ACYP2: variants seen among roughly 807,000 people sequenced by gnomAD.
ACYP2 encodes the protein acylphosphatase 2, also known as acylphosphatase-2.
A neutral mutation model predicts 11.2 loss-of-function variants in ACYP2; 12 were observed. That is an observed-to-expected ratio of 1.08 (90% CI 0.69 to 1.74). The LOEUF (loss-of-function observed/expected upper bound fraction) is 1.74, where lower values mean the gene tolerates loss of function less well. ACYP2 is among the 40% of genes most tolerant of loss of function. The probability of loss-of-function intolerance (pLI) is 0.00; values close to 1 mark genes in which losing one functional copy is unlikely to be tolerated. For missense variants in ACYP2, 134 were observed against 101.9 expected (o/e 1.31, Z -1.35); for synonymous variants, 43 against 32.2 (o/e 1.33, Z -1.13).
intron 2 of ACYP2, among the ~76,000 whole-genome samples, chr2:53,997,480 A>G (rs1672626417): frequency 6.6e-6 from 1 of 151,878 alleles, no homozygotes. Context: ...TAATTTTTGT[A>G]TTTTTAGTAG....
intron 2 of ACYP2, among the ~76,000 whole-genome samples, chr2:53,986,791 A>G (rs1055189504): frequency 6.6e-6 from 1 of 151,368 alleles, no homozygotes; most frequent in African/African-American, 2.4e-5. Flanking sequence ...TGCCCAGGTA[A>G]TTTTTGTGTT....
intron 6 of ACYP2, among the ~76,000 whole-genome samples, chr2:54,230,832 T>TC (rs1686204502): frequency 1.4e-5 from 2 of 145,720 alleles, no homozygotes; most frequent in African/African-American, 5.1e-5. Flanking sequence ...TTCTTTTCTT[T>TC]TTTTTTTTTT....
intron 2 of ACYP2, among the ~76,000 whole-genome samples, chr2:54,038,691 A>AT (rs1176870163): frequency 2.3e-5 from 1 of 43,146 alleles, no homozygotes; most frequent in Non-Finnish European, 5.3e-5. Context: ...ATATATATAT[A>AT]TATATATATA....
intron 6 of ACYP2, among the ~76,000 whole-genome samples, chr2:54,249,957 A>G (rs944321650): frequency 5.5e-4 from 84 of 151,454 alleles, no homozygotes; most frequent in African/African-American, 2.0e-3. Context: ...AAAAAAAAAA[A>G]AAAAAAAAAG....
chr2:54,281,504 TTCAG>T (rs1298333868), intron 6 of ACYP2, among the ~76,000 whole-genome samples: 1 of 152,160 alleles, frequency 6.6e-6, no homozygotes, highest in African/African-American at 2.4e-5. Context: ...TAGACAAGAT[TTCAG>T]TCGAGTAAGA....
At chr2:54,259,716 A>G (rs1320306982) in intron 6 of ACYP2, among the ~76,000 whole-genome samples, 1 of 151,278 alleles carries the variant, frequency 6.6e-6, no homozygotes, top group Non-Finnish European at 1.5e-5. Flanking sequence ...AATATTGACA[A>G]TTCTTTTGAG....
At chr2:54,063,530 G>A (rs778827087) in intron 4 of ACYP2, among the ~76,000 whole-genome samples, 29 of 152,196 alleles carry the variant, frequency 1.9e-4, no homozygotes, top group Non-Finnish European at 3.8e-4. Flanking sequence ...GCAGGAGACT[G>A]GGTGGTGGGA....
intron 6 of ACYP2, among the ~76,000 whole-genome samples, chr2:54,250,425 G>T (rs997947313): frequency 7.4e-6 from 1 of 135,650 alleles, no homozygotes; most frequent in Non-Finnish European, 1.6e-5. Flanking sequence ...AGTGAGCCGA[G>T]ATTGTGCCAT....
chr2:54,055,301 G>T (rs1558498124), intron 3 of ACYP2, among the ~76,000 whole-genome samples: 1 of 152,118 alleles, frequency 6.6e-6, no homozygotes, highest in Admixed American at 6.5e-5. Flanking sequence ...CACCCAAAGT[G>T]CTGGGATTAC....
At chr2:54,008,808 A>G (rs1190414621) in intron 2 of ACYP2, among the ~76,000 whole-genome samples, 1 of 152,138 alleles carries the variant, frequency 6.6e-6, no homozygotes, top group Non-Finnish European at 1.5e-5. Context: ...TCTGCTAGCA[A>G]GGTAGCCTCT....
At chr2:54,100,630 T>C (rs1386237578) in intron 4 of ACYP2, among the ~76,000 whole-genome samples, 1 of 152,144 alleles carries the variant, frequency 6.6e-6, no homozygotes, top group Non-Finnish European at 1.5e-5. Context: ...TTTTTAATAC[T>C]CTACCAATTG....
chr2:54,172,543 G>A (rs932724099), intron 6 of ACYP2, among the ~76,000 whole-genome samples: 5 of 152,184 alleles, frequency 3.3e-5, no homozygotes, highest in African/African-American at 1.2e-4. Context: ...TTCCACACCT[G>A]GAGAGGGAGC....
intron 6 of ACYP2, among the ~76,000 whole-genome samples, chr2:54,283,527 A>G (rs1055928017): frequency 1.3e-5 from 2 of 152,194 alleles, no homozygotes; most frequent in Non-Finnish European, 2.9e-5. Context: ...TCAGATTAAG[A>G]CCCTGAGACA....
intron 4 of ACYP2, among the ~76,000 whole-genome samples, chr2:54,125,258 TTA>T (rs1023461836): frequency 1.3e-5 from 2 of 150,424 alleles, no homozygotes; most frequent in African/African-American, 5.0e-5. Flanking sequence ...CTTGTGGTTT[TTA>T]TGTCTTTTGT....
At chr2:54,183,297 GATA>G (rs1683824898) in intron 6 of ACYP2, among the ~76,000 whole-genome samples, 1 of 152,146 alleles carries the variant, frequency 6.6e-6, no homozygotes, top group Non-Finnish European at 1.5e-5. Context: ...TGAGTAATAA[GATA>G]ATGAGTTGTA....
At chr2:54,220,136 A>G (rs1379814535) in intron 6 of ACYP2, among the ~76,000 whole-genome samples, 1 of 151,934 alleles carries the variant, frequency 6.6e-6, no homozygotes, top group African/African-American at 2.4e-5. Flanking sequence ...CCTGAGTTAT[A>G]GAATAGTGAA....
At chr2:54,267,989 A>C (rs1688113665) in intron 6 of ACYP2, among the ~76,000 whole-genome samples, 2 of 152,366 alleles carry the variant, frequency 1.3e-5, no homozygotes, top group South Asian at 4.1e-4. Flanking sequence ...AGTAATGCTC[A>C]TACTACACTT....
chr2:54,035,146 G>C (rs952938084), intron 2 of ACYP2, among the ~76,000 whole-genome samples: 1 of 151,588 alleles, frequency 6.6e-6, no homozygotes, highest in African/African-American at 2.4e-5. Context: ...TTCTTTTTCG[G>C]CAAAAATGGG....
intron 6 of ACYP2, among the ~76,000 whole-genome samples, chr2:54,174,370 A>G (rs13412332): frequency 0.016 from 2,472 of 152,224 alleles, 67 homozygotes; most frequent in African/African-American, 0.056. Context: ...TTGCACATTG[A>G]TTTTGTATCC....
Sources: gnomAD v4.1 joint callset for allele counts (sites outside exome capture counted in the v4.1 genomes callset) on GRCh38, gnomAD v4.1.1 for gene constraint, MANE v1.5 for transcripts, NCBI Gene and HGNC (gene_info 2026-07-23, HGNC 2026-07-21) for gene names.